CMIP: variants seen among roughly 807,000 people sequenced by gnomAD.
The protein encoded by CMIP is c-Maf inducing protein, also known as C-Maf-inducing protein.
Under a neutral mutation model 97.3 loss-of-function variants are expected in CMIP, and 13 were observed. The ratio of observed to expected loss-of-function variants is 0.13; its 90% CI spans 0.09 to 0.21. The LOEUF (loss-of-function observed/expected upper bound fraction) is 0.21. Ranked by LOEUF, CMIP falls within the 10% of genes least tolerant of loss-of-function variation. The pLI is 1.00. For synonymous variants in CMIP, 538 were observed against 436.3 expected (o/e 1.23, Z -2.91); for missense variants, 847 against 1,024.9 (o/e 0.83, Z 2.37).
At chr16:81,561,942 C>T (rs115294446) in intron 1 of CMIP, among the ~76,000 whole-genome samples, 1 of 152,160 alleles carries the variant, frequency 6.6e-6, no homozygotes, top group Non-Finnish European at 1.5e-5. Context: ...GGGATACCTG[C>T]TGGGGGCTGT....
chr16:81,605,073 A>C (rs1555536169), intron 1 of CMIP, among the ~76,000 whole-genome samples: 1 of 152,196 alleles, frequency 6.6e-6, no homozygotes, highest in African/African-American at 2.4e-5. Context: ...GGGTGAGGAA[A>C]AGAAGTACAG....
intron 1 of CMIP, among the ~76,000 whole-genome samples, chr16:81,524,925 A>G (rs1202465391): frequency 6.7e-6 from 1 of 149,828 alleles, no homozygotes; most frequent in Non-Finnish European, 1.5e-5. Flanking sequence ...TCCTCTTAGT[A>G]GCTAGGACTA....
chr16:81,685,524 T>A (rs540516474), intron 10 of CMIP, among the ~76,000 whole-genome samples: 1 of 152,186 alleles, frequency 6.6e-6, no homozygotes, highest in East Asian at 1.9e-4. Context: ...TATGCTTTAT[T>A]TTTAAAGTAA....
intron 9 of CMIP, 63 bp downstream of exon 9, chr16:81,672,133 G>A: frequency 1.0e-6 from 1 of 975,988 alleles, no homozygotes; most frequent in Non-Finnish European, 1.6e-6. Flanking sequence ...CCCCCATCAT[G>A]GGCAAAGTCA....
intron 3 of CMIP, among the ~76,000 whole-genome samples, chr16:81,638,882 T>C (rs1022797553): frequency 5.9e-5 from 9 of 151,846 alleles, no homozygotes; most frequent in Non-Finnish European, 1.3e-4. Flanking sequence ...CCTGTTCTAG[T>C]CCATGAGGAA....
At chr16:81,571,908 A>G (rs548797005) in intron 1 of CMIP, among the ~76,000 whole-genome samples, 1 of 152,194 alleles carries the variant, frequency 6.6e-6, no homozygotes, top group East Asian at 1.9e-4. Flanking sequence ...GTTCATCCCA[A>G]CTCTCTTCCA....
intron 9 of CMIP, 65 bp downstream of exon 9, chr16:81,672,135 G>T: frequency 1.1e-6 from 1 of 949,364 alleles, no homozygotes; most frequent in South Asian, 1.4e-5. Flanking sequence ...CCCATCATGG[G>T]CAAAGTCACC....
chr16:81,525,997 TG>T lies in CMIP; in HGVS notation c.300+80457del, dbSNP rs2090125814. Among the ~76,000 whole-genome samples, 6 of 33,624 alleles carry T rather than the reference TG, an allele frequency of 1.8e-4. No individual in the cohort carries two copies. The East Asian group carries it at 2.0e-3, about 11-fold the overall frequency. 22.1% of individuals were successfully genotyped at this position (33,624 alleles called of 152,430 possible). On this transcript the variant is annotated intron_variant, in intron 1 of 20. Transcript: ENST00000537098. ...TAATACGTGTGTGTGTGTGTGTGTG[TG>T]TGTGTGTGTCTGTGTGTGTGTGTGT... is the stretch of plus-strand genomic sequence containing the variant.
chr16:81,692,769 C>A (rs181142702), intron 11 of CMIP, among the ~76,000 whole-genome samples: 16 of 152,348 alleles, frequency 1.1e-4, no homozygotes, highest in Non-Finnish European at 1.8e-4. Context: ...GAAGAATGGT[C>A]CCCCATGGCC....
rs149297728 is a variant in CMIP at position 81,627,324 on chromosome 16, G to A, written c.477+6398G>A. On this transcript the variant is annotated intron_variant, in intron 3 of 20. Coordinates refer to ENST00000537098, the MANE Select transcript of CMIP (RefSeq NM_198390.3). This position sits in a 1 kb window ranked among gnomAD's most constrained non-coding sequence, Gnocchi z 4.6. ...TCAGTTTTCTCCTCTGTGGAATGGG[G>A]ATGATCATGGCGTCTCGTCACTGGG... Among the ~76,000 whole-genome samples, 2 of 152,124 alleles carry A rather than the reference G, an allele frequency of 1.3e-5. No individual in the cohort carries two copies. Among genetic ancestry groups the A allele is most frequent in the South Asian group, 2.1e-4 (1 of 4,818 alleles).
intron 6 of CMIP, among the ~76,000 whole-genome samples, chr16:81,663,104 A>G (rs1257663041): frequency 6.6e-6 from 1 of 152,154 alleles, no homozygotes; most frequent in Non-Finnish European, 1.5e-5. Flanking sequence ...CTCCAAAAAA[A>G]AAAAAAAAAT....
chr16:81,445,960 G>A (rs1905810776), intron 1 of CMIP, among the ~76,000 whole-genome samples: 1 of 144,422 alleles, frequency 6.9e-6, no homozygotes, highest in African/African-American at 2.9e-5. Context: ...CCACCCCTCA[G>A]ATTTAAAAAA....
intron 9 of CMIP, among the ~76,000 whole-genome samples, chr16:81,673,219 T>C (rs1207544705): frequency 6.6e-6 from 1 of 152,004 alleles, no homozygotes; most frequent in Non-Finnish European, 1.5e-5. Context: ...GAAGTATGAA[T>C]TAATAAGCAG....
chr16:81,475,124 A>C (rs1363730694), intron 1 of CMIP, among the ~76,000 whole-genome samples: 1 of 151,912 alleles, frequency 6.6e-6, no homozygotes, highest in Non-Finnish European at 1.5e-5. Flanking sequence ...CTGTGTCTGG[A>C]GGCCTTAACC....
intron 10 of CMIP, among the ~76,000 whole-genome samples, chr16:81,691,177 C>T (rs79351368): frequency 0.031 from 4,717 of 152,258 alleles, 118 homozygotes; most frequent in Non-Finnish European, 0.044. Flanking sequence ...ATGTATTTCT[C>T]TCAGTTCGGG....
At chr16:81,691,144 A>C (rs184542187) in intron 10 of CMIP, among the ~76,000 whole-genome samples, 2 of 152,048 alleles carry the variant, frequency 1.3e-5, no homozygotes, top group Non-Finnish European at 2.9e-5. Context: ...AGTACCATCA[A>C]CCTCATAGCT....
At chr16:81,445,596 C>G (rs1375243597) in intron 1 of CMIP, 55 bp downstream of exon 1, 11 of 1,505,370 alleles carry the variant, frequency 7.3e-6, no homozygotes, top group Non-Finnish European at 9.8e-6. Flanking sequence ...CGAGATGCGC[C>G]CTCCCTGGCT....
At chr16:81,709,632 G>GGT (rs1292518417) in intron 20 of CMIP, 114 bp from the exon 21 acceptor site, 30 of 1,182,034 alleles carry the variant, frequency 2.5e-5, no homozygotes, top group Non-Finnish European at 1.2e-5. Flanking sequence ...ACAGCACCAA[G>GGT]GTGGGGAGAG....
chr16:81,535,723 C>A (rs953281676), intron 1 of CMIP, among the ~76,000 whole-genome samples: 3 of 152,096 alleles, frequency 2.0e-5, no homozygotes, highest in African/African-American at 7.2e-5. Flanking sequence ...CTTGAGTGTT[C>A]AGACACTCGT....
Sources: allele counts gnomAD v4.1 joint callset (sites outside exome capture counted in the v4.1 genomes callset), GRCh38; gene constraint gnomAD v4.1.1; non-coding constraint Gnocchi (gnomAD v3.1); transcripts MANE v1.5; gene names NCBI Gene and HGNC (gene_info 2026-07-23, HGNC 2026-07-21).